The following TTLL13 variants were observed in gnomAD, a reference collection of about 807,000 sequenced individuals.
TTLL13 encodes tubulin tyrosine ligase like 13.
At chr15:90,257,551 G>C in the TTLL13 span, 11 of 1,253,794 alleles carry the variant, frequency 8.8e-6, no homozygotes, top group Non-Finnish European at 8.0e-6. Context: ...ATCCTCGGGA[G>C]GGGTGGGGAG....
the TTLL13 span, chr15:90,262,582 A>G: frequency 2.6e-6 from 4 of 1,534,932 alleles, no homozygotes; most frequent in Middle Eastern, 5.0e-4. Flanking sequence ...ACCAGGGTGA[A>G]TCAGCTGGGG....
At chr15:90,252,552 C>T in the TTLL13 span, among the ~76,000 whole-genome samples, 3 of 152,052 alleles carry the variant, frequency 2.0e-5, no homozygotes, top group Admixed American at 6.6e-5. Flanking sequence ...GGGACTTCAA[C>T]GATTAAGAAA....
chr15:90,259,657 C>T, the TTLL13 span, among the ~76,000 whole-genome samples: 1 of 152,216 alleles, frequency 6.6e-6, no homozygotes, highest in Non-Finnish European at 1.5e-5. Context: ...CATGTTAGCA[C>T]ATAAGGAACT....
chr15:90,265,168 G>A, the TTLL13 span: 1 of 1,270,700 alleles, frequency 7.9e-7, no homozygotes, highest in Non-Finnish European at 1.0e-6. Context: ...GTAAAGACTA[G>A]AAGATGAAGA....
At chr15:90,251,830 A>AC in the TTLL13 span, among the ~76,000 whole-genome samples, 2 of 151,328 alleles carry the variant, frequency 1.3e-5, no homozygotes, top group African/African-American at 4.9e-5. Context: ...ACAAGAAAAA[A>AC]AAAAAAAAAA....
At chr15:90,250,088 G>C in the TTLL13 span, among the ~76,000 whole-genome samples, 8 of 151,712 alleles carry the variant, frequency 5.3e-5, no homozygotes, top group African/African-American at 1.7e-4. Context: ...CTCCCGAGTA[G>C]CTGGGATTAC....
chr15:90,263,999 T>C, the TTLL13 span: 1 of 1,536,086 alleles, frequency 6.5e-7, no homozygotes, highest in Non-Finnish European at 8.7e-7. Context: ...TCCTGTTCAT[T>C]GTCAATGAAG....
At chr15:90,251,682 G>A in the TTLL13 span, 1 of 1,487,946 alleles carries the variant, frequency 6.7e-7, no homozygotes, top group South Asian at 1.1e-5. Flanking sequence ...CCCCGATCAG[G>A]CTTCCAGCCC....
At chr15:90,253,129 A>C in the TTLL13 span, 1 of 636,984 alleles carries the variant, frequency 1.6e-6, no homozygotes, top group Non-Finnish European at 2.7e-6. Context: ...TGAGGCAAGA[A>C]CTACCTCCCT....
At chr15:90,256,581 C>CTTTCTTTCT in the TTLL13 span, among the ~76,000 whole-genome samples, 1 of 35,660 alleles carries the variant, frequency 2.8e-5, no homozygotes, top group Non-Finnish European at 5.4e-5. Flanking sequence ...TTCTTTCTTT[C>CTTTCTTTCT]TTTCTTTCTT....
the TTLL13 span, among the ~76,000 whole-genome samples, chr15:90,251,994 C>T: frequency 1.3e-5 from 2 of 151,892 alleles, no homozygotes; most frequent in South Asian, 4.2e-4. Flanking sequence ...CCTATCTGAG[C>T]TTCCCAGTAG....
the TTLL13 span, chr15:90,256,302 AG>A: frequency 6.2e-7 from 1 of 1,614,116 alleles, no homozygotes; most frequent in East Asian, 2.2e-5. Flanking sequence ...TCCAAGGTGA[AG>A]GATGCCTCAG....
At chr15:90,264,176 G>T in the TTLL13 span, 1 of 660,648 alleles carries the variant, frequency 1.5e-6, no homozygotes, top group African/African-American at 1.8e-5. Flanking sequence ...GAATGGGGAA[G>T]TTAGGGTACC....
chr15:90,254,192 T>TGTTG, the TTLL13 span, among the ~76,000 whole-genome samples: 1 of 110,198 alleles, frequency 9.1e-6, no homozygotes, highest in East Asian at 3.6e-4. Flanking sequence ...GACCCTGTTT[T>TGTTG]TTTTTTTTTT....
chr15:90,258,339 G>C, the TTLL13 span: 1 of 1,348,996 alleles, frequency 7.4e-7, no homozygotes, highest in South Asian at 1.2e-5. Context: ...ACCTGGGACA[G>C]GGGTACACTC....
the TTLL13 span, chr15:90,263,244 T>C: frequency 3.5e-6 from 4 of 1,129,158 alleles, no homozygotes; most frequent in Admixed American, 1.1e-4. Context: ...TGTGATGGTA[T>C]CTGTCAGTGG....
At chr15:90,249,700 C>T in the TTLL13 span, 1 of 152,296 alleles carries the variant, frequency 6.6e-6, no homozygotes, top group Non-Finnish European at 1.5e-5. Context: ...CAGAAACGCC[C>T]AGGGAGACCT....
the TTLL13 span, chr15:90,262,677 G>C: frequency 1.4e-6 from 2 of 1,471,568 alleles, no homozygotes; most frequent in Non-Finnish European, 1.8e-6. Context: ...GAGGTGCCAG[G>C]GGTTTTGTAG....
chr15:90,252,312 C>T, the TTLL13 span, among the ~76,000 whole-genome samples: 1 of 152,142 alleles, frequency 6.6e-6, no homozygotes, highest in Non-Finnish European at 1.5e-5. Flanking sequence ...GCTGGGATTA[C>T]AGGCATGAGC....
Sources: allele counts gnomAD v4.1 joint callset (sites outside exome capture counted in the v4.1 genomes callset), GRCh38; gene constraint gnomAD v4.1.1; transcripts MANE v1.5; gene names NCBI Gene and HGNC (gene_info 2026-07-23, HGNC 2026-07-21).